The following LAMA5 variants were observed in gnomAD, a reference collection of about 807,000 sequenced individuals.
LAMA5 encodes the protein laminin subunit alpha-5.
Under a neutral mutation model 433.4 loss-of-function variants are expected in LAMA5, and 260 were observed. The ratio of observed to expected loss-of-function variants is 0.60; its 90% CI spans 0.54 to 0.66. The LOEUF is 0.66. Among genes scored for constraint, LAMA5 ranks in the 30% least tolerant of loss-of-function variants. LAMA5 has a pLI of 0.00. For missense variants in LAMA5, 5,378 were observed against 5,258.5 expected (o/e 1.02, Z -0.70); for synonymous variants, 2,620 against 2,226.6 (o/e 1.18, Z -4.97).
In LAMA5 at chr20:62,323,449, C is replaced by T. The variant is rs2379128; in HGVS notation, c.6064+7G>A. On this transcript the variant is annotated splice_region_variant and intron_variant, in intron 45 of 79. Coordinates refer to ENST00000252999, the MANE Select transcript of LAMA5 (RefSeq NM_005560.6). ...CCAGGGTGCATCCCTCCCAGCCCGA[C>T]GCCTACGGGTGCAGTTGCCGGGCAG... 0.65 allele frequency: 995,165 copies of T among 1,531,504 alleles called. 326,022 individuals carry two copies. The highest frequency in any genetic ancestry group is 0.78 in the East Asian group (31,670 of 40,752). 94.9% of individuals were successfully genotyped at this position (1,531,504 alleles called of 1,614,324 possible). A position where few individuals can be genotyped will look rare whatever the true frequency, so the allele number is the denominator to read the frequency against.
At position 62,338,267 on chromosome 20, in the gene LAMA5, C is replaced by T; in HGVS notation, c.1721G>A (p.Cys574Tyr). 1 of 1,600,930 alleles carries T rather than the reference C, an allele frequency of 6.2e-7. No homozygotes were observed. The highest frequency in any genetic ancestry group is 1.1e-5 in the South Asian group (1 of 89,698). The change falls in exon 13 of 80, where the codon TGT becomes TAT. Residue 574 changes from cysteine to tyrosine, a missense_variant. Transcript: ENST00000252999. ...VGFEGATCDR[C>Y]APGYFHFPLC... Reference sequence around the variant, plus strand: ...AGGGAAGTGAAAGTAGCCGGGGGCACAGCGATCACATGTGGCCCCCTCGAA... The same window carrying T: ...AGGGAAGTGAAAGTAGCCGGGGGCATAGCGATCACATGTGGCCCCCTCGAA...
rs528957745 is a variant in LAMA5, at chr20:62,316,370, C to T, written c.7756+301G>A. The T allele has an allele frequency of 2.8e-5, 15 of 542,480 alleles. 1 individual carries two copies. Among genetic ancestry groups the T allele is most frequent in the South Asian group, 1.2e-4 (5 of 41,724 alleles). 33.6% of individuals were successfully genotyped at this position (542,480 alleles called of 1,614,324 possible). A position where few individuals can be genotyped will look rare whatever the true frequency, so the allele number is the denominator to read the frequency against. On this transcript the variant is annotated intron_variant, in intron 57 of 79. Coordinates refer to ENST00000252999, the MANE Select transcript of LAMA5 (RefSeq NM_005560.6). ...CTTTCTCATTGCGCAGCTTGGCACG[C>T]GTGTAGCCCTCGGGTCAGCAGAGCA...
rs1181485684 is a variant in LAMA5, at chr20:62,330,828, G to A, written c.3767C>T (p.Pro1256Leu). Residue 1256 changes from proline (P) to leucine (L), a missense_variant, in exon 30 of 80, where the codon CCA (proline) becomes CTA (leucine). By Grantham distance (98) the Pro-to-Leu change is moderately conservative. Coordinates refer to ENST00000252999, the MANE Select transcript of LAMA5 (RefSeq NM_005560.6). ...LPLTHAQDLT[P>L]AMSPAGPRPR... ...TCGGGGTCCAGCTGGGGACATGGCTGGAGTGAGATCCTGCGCGTGGGTCAG... is the reference window on the plus strand; with the variant it reads ...TCGGGGTCCAGCTGGGGACATGGCTAGAGTGAGATCCTGCGCGTGGGTCAG... 2 of 1,545,700 alleles carry A rather than the reference G, an allele frequency of 1.3e-6. No individual in the cohort carries two copies. The highest frequency in any genetic ancestry group is 1.2e-5 in the South Asian group (1 of 83,478).
intron 32 of LAMA5, among the ~76,000 whole-genome samples, chr20:62,329,464 A>T (rs1979942809): frequency 6.6e-6 from 1 of 152,172 alleles, no homozygotes; most frequent in Non-Finnish European, 1.5e-5. Context: ...AGGCAGCAGC[A>T]TTCATGAGAC....
intron 41 of LAMA5, 199 bp downstream of exon 41, chr20:62,325,117 A>ATGAGGGGCAGGCAGG (rs71195440): frequency 3.6e-6 from 2 of 562,244 alleles, no homozygotes; most frequent in East Asian, 3.0e-5. Flanking sequence ...AGGCAGGCGG[A>ATGAGGGGCAGGCAGG]CGAGGGGCAG....
intron 11 of LAMA5, chr20:62,345,578 TG>T: frequency 1.5e-6 from 1 of 652,070 alleles, no homozygotes; most frequent in Non-Finnish European, 2.8e-6. Flanking sequence ...AGCTAATTTT[TG>T]TATTTGCTGT....
chr20:62,328,952 C>T lies in LAMA5; in HGVS notation c.4339G>A (p.Gly1447Ser), dbSNP rs993419332. 1.9e-6 allele frequency: 3 copies of T among 1,612,288 alleles called. No homozygotes were observed. The highest frequency in any genetic ancestry group is 2.7e-5 in the African/African-American group (2 of 74,916). ...CCCCCGAAGGGCTCACACGTGGGGC[C>T]TGTAGCACCTACTTCGTGGCAGCCA... is the stretch of plus-strand genomic sequence containing the variant. Reference protein sequence around the residue: ...PCGCHEVGATGPTCEPFGGQC... With the variant: ...PCGCHEVGATSPTCEPFGGQC... The change falls in exon 34 of 80, where the codon GGC becomes AGC. Residue 1447 changes from glycine (G) to serine (S), a missense_variant. Coordinates refer to ENST00000252999, the MANE Select transcript of LAMA5 (RefSeq NM_005560.6).
chr20:62,313,571 A>C (rs889927640), intron 63 of LAMA5, 78 bp downstream of exon 63: 4 of 1,577,856 alleles, frequency 2.5e-6, no homozygotes, highest in Non-Finnish European at 3.4e-6. Flanking sequence ...ATACCAAAAG[A>C]ACCCGCGGCT....
In LAMA5 at chr20:62,334,045, T is replaced by C; in HGVS notation, c.2740-6A>G. On this transcript the variant is annotated splice_region_variant and splice_polypyrimidine_tract_variant and intron_variant, in intron 22 of 79. Transcript: ENST00000252999. ...AGCCTGGCCACGATCCTGGGCTGGG[T>C]GGGCATGGAGCGTCGGGTCACTCTC... is the stretch of plus-strand genomic sequence containing the variant. The C allele has an allele frequency of 1.9e-6, 3 of 1,610,628 alleles. No homozygotes were observed. Among genetic ancestry groups the C allele is most frequent in the Non-Finnish European group, 2.5e-6 (3 of 1,178,212 alleles).
chr20:62,353,502 C>G (rs577494322), intron 2 of LAMA5, among the ~76,000 whole-genome samples: 1 of 152,326 alleles, frequency 6.6e-6, no homozygotes, highest in African/African-American at 2.4e-5. Context: ...GGGACCAACG[C>G]GCTGCCTCCT....
At chr20:62,338,390 C>T (rs767731395) in intron 12 of LAMA5, 21 bp from the exon 13 acceptor site, 22 of 1,606,046 alleles carry the variant, frequency 1.4e-5, no homozygotes, top group Non-Finnish European at 1.7e-5. Flanking sequence ...GGGTGGCCCA[C>T]ATGCTTGGTC....
chr20:62,346,235 G>A lies in LAMA5; in HGVS notation c.1283-20C>T, dbSNP rs767249634. 4.1e-5 allele frequency: 66 copies of A among 1,604,366 alleles called. No individual in the cohort carries two copies. The highest frequency in any genetic ancestry group is 5.1e-5 in the Admixed American group (3 of 58,646). On this transcript the variant is annotated intron_variant, in intron 9 of 79. Transcript: ENST00000252999. ...TGCAGCCTGGGCAGGGGCAGGAGCC[G>A]GGTAAGCCTGGAGCTACCAGGACTC...
intron 45 of LAMA5, 119 bp from the exon 46 acceptor site, chr20:62,322,877 AC>A: frequency 1.6e-6 from 1 of 622,272 alleles, no homozygotes; most frequent in South Asian, 2.3e-5. Flanking sequence ...GGCCGCCCGG[AC>A]CACCCGGCTA....
Position 62,334,371 on chromosome 20 carries a change from A to T in LAMA5, c.2583-29T>A. The T allele has an allele frequency of 3.2e-6, 5 of 1,569,114 alleles. No individual in the cohort carries two copies. In the South Asian group the frequency reaches 5.8e-5, roughly 18 times the overall value. On this transcript the variant is annotated intron_variant, in intron 21 of 79. Coordinates refer to ENST00000252999, the MANE Select transcript of LAMA5 (RefSeq NM_005560.6). ...GCCACAGCAGGGGCTGGTCAGGTGC[A>T]GCTTGGCCATCCTACCTAGCCCTGC... is the stretch of plus-strand genomic sequence containing the variant.
At chr20:62,341,826 CAA>C (rs11466846) in intron 11 of LAMA5, among the ~76,000 whole-genome samples, 30 of 128,140 alleles carry the variant, frequency 2.3e-4, no homozygotes, top group South Asian at 9.2e-4. Flanking sequence ...TCTGATCAAC[CAA>C]AAAAAAAAAA....
chr20:62,313,108 G>C lies in LAMA5; in HGVS notation c.8935C>G (p.Leu2979Val). 1.9e-6 allele frequency: 3 copies of C among 1,609,460 alleles called. No homozygotes were observed. The highest frequency in any genetic ancestry group is 2.5e-6 in the Non-Finnish European group (3 of 1,179,706). ...CGCACCTGCTGCTTCAGGAAGAAGAGCACCCCGCTGTAGGACACGAGCCGC... is the reference window on the plus strand; with the variant it reads ...CGCACCTGCTGCTTCAGGAAGAAGACCACCCCGCTGTAGGACACGAGCCGC... ...ELRLVSYSGVLFFLKQQSQFL... is the reference protein window; with the variant it reads ...ELRLVSYSGVVFFLKQQSQFL... Residue 2979 changes from leucine to valine, a missense_variant, in exon 65 of 80, where the codon CTC becomes GTC. Coordinates refer to ENST00000252999, the MANE Select transcript of LAMA5 (RefSeq NM_005560.6).
chr20:62,366,334 C>T (rs1986721962), intron 1 of LAMA5, among the ~76,000 whole-genome samples: 1 of 152,200 alleles, frequency 6.6e-6, no homozygotes, highest in Non-Finnish European at 1.5e-5. Flanking sequence ...GGGCCTGAAC[C>T]CACATCTCCC....
chr20:62,317,127 C>T, intron 55 of LAMA5, 104 bp from the exon 56 acceptor site: 1 of 1,327,604 alleles, frequency 7.5e-7, no homozygotes, highest in Non-Finnish European at 1.0e-6. Flanking sequence ...GCCTGCCCGC[C>T]AAGTCCCGCC....
chr20:62,353,449 C>A, intron 2 of LAMA5, 198 bp from the exon 3 acceptor site: 1 of 503,974 alleles, frequency 2.0e-6, no homozygotes, highest in South Asian at 2.7e-5. Context: ...GGAGATGAGC[C>A]CCCGGGAACC....
Sources: allele counts gnomAD v4.1 joint callset (sites outside exome capture counted in the v4.1 genomes callset), GRCh38; gene constraint gnomAD v4.1.1; transcripts MANE v1.5; gene names NCBI Gene and HGNC (gene_info 2026-07-23, HGNC 2026-07-21).